Variants in STIM1 observed in about 807,000 individuals in gnomAD.
STIM1 encodes the protein stromal interaction molecule 1.
A neutral mutation model predicts 74.7 loss-of-function variants in STIM1; 25 were observed. That is an observed-to-expected ratio of 0.33 (90% CI 0.24 to 0.47). STIM1 has a LOEUF of 0.47. Ranked by LOEUF, STIM1 falls within the 20% of genes least tolerant of loss-of-function variation. The pLI is 1.00. For missense variants in STIM1, 728 were observed against 920.8 expected, an observed-to-expected ratio of 0.79 and a Z score of 2.71; for synonymous variants, 328 against 348.8, an observed-to-expected ratio of 0.94 and a Z score of 0.66.
chr11:3,863,754 C>CA (rs2090734522), intron 1 of STIM1, among the ~76,000 whole-genome samples: 1 of 152,096 alleles, frequency 6.6e-6, no homozygotes, highest in South Asian at 2.1e-4. Flanking sequence ...TCTTAGGGAT[C>CA]AGATCGACTG....
At chr11:3,991,686 C>A (rs35073107) in intron 2 of STIM1, among the ~76,000 whole-genome samples, 2 of 151,430 alleles carry the variant, frequency 1.3e-5, no homozygotes, top group Admixed American at 6.6e-5. Context: ...CGGTGGCTCA[C>A]GCCTGTAATA....
chr11:3,995,035 T>C (rs1375889375), intron 2 of STIM1, among the ~76,000 whole-genome samples: 1 of 152,194 alleles, frequency 6.6e-6, no homozygotes, highest in Non-Finnish European at 1.5e-5. Flanking sequence ...CATTCTTTAT[T>C]TGATGCATCA....
intron 1 of STIM1, among the ~76,000 whole-genome samples, chr11:3,892,098 A>T (rs923692211): frequency 3.3e-5 from 5 of 152,088 alleles, no homozygotes; most frequent in Non-Finnish European, 5.9e-5. Context: ...TCTCTTCTTG[A>T]TTTTCTAGCA....
At chr11:3,959,737 T>C (rs902360435) in intron 1 of STIM1, among the ~76,000 whole-genome samples, 1 of 152,180 alleles carries the variant, frequency 6.6e-6, no homozygotes, top group African/African-American at 2.4e-5. Flanking sequence ...TATCAAAGTG[T>C]AGTCTTTAGA....
intron 1 of STIM1, 102 bp downstream of exon 1, chr11:3,856,511 A>T: frequency 5.6e-6 from 8 of 1,425,800 alleles, no homozygotes; most frequent in Non-Finnish European, 7.5e-6. Flanking sequence ...TGTGAGGTTC[A>T]TGGAGGATTC....
intron 3 of STIM1, among the ~76,000 whole-genome samples, chr11:4,050,246 G>C (rs2094228704): frequency 6.6e-6 from 1 of 152,348 alleles, no homozygotes; most frequent in African/African-American, 2.4e-5. Flanking sequence ...TTTAAAGGCT[G>C]ATTTAGCTTT....
intron 1 of STIM1, among the ~76,000 whole-genome samples, chr11:3,948,109 T>A (rs2093101612): frequency 6.6e-6 from 1 of 152,168 alleles, no homozygotes; most frequent in South Asian, 2.1e-4. Flanking sequence ...TTGGCCAGTG[T>A]AGGCTCAATA....
At chr11:4,050,736 C>T (rs1047373270) in intron 3 of STIM1, among the ~76,000 whole-genome samples, 1 of 152,096 alleles carries the variant, frequency 6.6e-6, no homozygotes, top group South Asian at 2.1e-4. Flanking sequence ...ACTTTTGACT[C>T]CCTCAAAATT....
chr11:3,861,546 G>A (rs7940082), intron 1 of STIM1, among the ~76,000 whole-genome samples: 4,781 of 152,146 alleles, frequency 0.031, 235 homozygotes, highest in African/African-American at 0.11. Context: ...ATTTTTTACC[G>A]TAATTTAGAA....
At chr11:3,863,457 C>T (rs1318663904) in intron 1 of STIM1, among the ~76,000 whole-genome samples, 5 of 150,420 alleles carry the variant, frequency 3.3e-5, no homozygotes, top group Admixed American at 2.0e-4. Context: ...GAGGTTTTTC[C>T]GTGTTGCCCA....
rs922247326 is a variant in STIM1 at position 3,992,948 on chromosome 11, A to G, written c.270+25266A>G. Among the ~76,000 whole-genome samples the G allele has an allele frequency of 5.3e-5, 8 of 152,188 alleles. No homozygotes were observed. The South Asian group carries it at 1.7e-3, about 31-fold the overall frequency. On this transcript the variant is annotated intron_variant, in intron 2 of 12. Coordinates refer to ENST00000526596, the MANE Select transcript of STIM1 (RefSeq NM_001382567.1). ...CCTGTGGGTTCTCCTTTTAAAACAT[A>G]TCCAAAATAGAATCATTTCTCACTA...
intron 5 of STIM1, among the ~76,000 whole-genome samples, chr11:4,065,070 C>G (rs1451434846): frequency 6.6e-6 from 1 of 152,188 alleles, no homozygotes; most frequent in Non-Finnish European, 1.5e-5. Context: ...ATGGTAGCTA[C>G]TATTTTTAAT....
intron 2 of STIM1, among the ~76,000 whole-genome samples, chr11:4,018,053 G>A (rs375860583): frequency 5.3e-5 from 8 of 152,226 alleles, no homozygotes; most frequent in African/African-American, 1.7e-4. Flanking sequence ...CATGGCTCAC[G>A]CCTATAATCC....
intron 2 of STIM1, among the ~76,000 whole-genome samples, chr11:3,989,826 C>T (rs927139087): frequency 1.3e-5 from 2 of 152,180 alleles, no homozygotes; most frequent in Non-Finnish European, 2.9e-5. Context: ...TATTTACTGT[C>T]TGACTCTTTA....
intron 5 of STIM1, among the ~76,000 whole-genome samples, chr11:4,062,324 A>G (rs1590683642): frequency 6.6e-6 from 1 of 152,232 alleles, no homozygotes; most frequent in East Asian, 1.9e-4. Flanking sequence ...TATCCAGAAT[A>G]CATAAAAAAT....
At chr11:3,971,011 C>G (rs1378613752) in intron 2 of STIM1, among the ~76,000 whole-genome samples, 1 of 152,124 alleles carries the variant, frequency 6.6e-6, no homozygotes, top group Non-Finnish European at 1.5e-5. Context: ...ACAACTTTGT[C>G]TAAAGGAACA....
chr11:4,053,032 T>C (rs2094256666), intron 3 of STIM1, among the ~76,000 whole-genome samples: 1 of 152,192 alleles, frequency 6.6e-6, no homozygotes. Context: ...CGCAATGAGA[T>C]ACCATCTCAC....
chr11:4,013,268 C>A (rs2093857797), intron 2 of STIM1, among the ~76,000 whole-genome samples: 1 of 152,092 alleles, frequency 6.6e-6, no homozygotes, highest in South Asian at 2.1e-4. Flanking sequence ...CCCTCTTTTT[C>A]TATTGATTGG....
In STIM1 at chr11:3,856,412, A is replaced by C. The variant is rs1168870235; in HGVS notation, c.139+3A>C. ...CTCTGAGGAGTCCACTGCAGCAGGTAAGGCCTTGCTGCGGGCTGGACTGGG... is the reference window on the plus strand; with the variant it reads ...CTCTGAGGAGTCCACTGCAGCAGGTCAGGCCTTGCTGCGGGCTGGACTGGG... On this transcript the variant is annotated splice_donor_region_variant and intron_variant, in intron 1 of 12. Transcript: ENST00000526596. 2 of 1,613,696 alleles carry C rather than the reference A, an allele frequency of 1.2e-6. No homozygotes were observed. Among genetic ancestry groups the C allele is most frequent in the Non-Finnish European group, 1.7e-6 (2 of 1,179,816 alleles).
Sources: allele counts gnomAD v4.1 joint callset (sites outside exome capture counted in the v4.1 genomes callset), GRCh38; gene constraint gnomAD v4.1.1; transcripts MANE v1.5; gene names NCBI Gene and HGNC (gene_info 2026-07-23, HGNC 2026-07-21).